Variants in SGCD observed in about 807,000 individuals in gnomAD.
SGCD encodes the protein delta-sarcoglycan.
In SGCD, 18 loss-of-function variants were observed where a neutral mutation model predicts 36.6. The observed-to-expected ratio is 0.49, with a 90% CI of 0.34 to 0.73. The LOEUF is 0.73. Among genes scored for constraint, SGCD ranks in the 30% least tolerant of loss-of-function variants. The pLI is 0.01. For missense variants in SGCD, 387 were observed against 346.7 expected (o/e 1.12, Z -0.92); for synonymous variants, 133 against 130.6 (o/e 1.02, Z -0.12).
intron 3 of SGCD, among the ~76,000 whole-genome samples, chr5:156,247,157 G>C (rs1480496140): frequency 3.9e-5 from 6 of 152,100 alleles, no homozygotes; most frequent in African/African-American, 1.4e-4. Flanking sequence ...AATCACATTA[G>C]CCCTTTTTCA....
chr5:155,890,597 C>A (rs1756102302), intron 1 of SGCD, among the ~76,000 whole-genome samples: 1 of 151,400 alleles, frequency 6.6e-6, no homozygotes, highest in Non-Finnish European at 1.5e-5. Context: ...GACAGTGATA[C>A]CCTGTTTCTA....
intron 1 of SGCD, among the ~76,000 whole-genome samples, chr5:155,894,601 C>T (rs868792863): frequency 2.6e-5 from 4 of 152,134 alleles, no homozygotes; most frequent in East Asian, 1.9e-4. Context: ...CTTGCATTAC[C>T]GCCTGAGCTC....
intron 6 of SGCD, among the ~76,000 whole-genome samples, chr5:156,619,951 G>A (rs1273243846): frequency 6.6e-6 from 1 of 152,188 alleles, no homozygotes. Context: ...TGGGGTAAGG[G>A]TTAATCCAAA....
rs142493435 is a variant in SGCD, at chr5:155,905,317, A to G, written c.-282+34893A>G. 1.1e-4 allele frequency among the ~76,000 whole-genome samples: 17 copies of G among 152,288 alleles called. No individual in the cohort carries two copies. The East Asian group carries it at 3.1e-3, about 28-fold the overall frequency. On this transcript the variant is annotated intron_variant, in intron 1 of 9. Coordinates refer to the SGCD transcript ENST00000517913. ...CAGATTTGTAGGGTAAAACTATTTTATCTAGCACATGGTATAACCTTAGAA... is the reference window on the plus strand; with the variant it reads ...CAGATTTGTAGGGTAAAACTATTTTGTCTAGCACATGGTATAACCTTAGAA...
the SGCD span, among the ~76,000 whole-genome samples, chr5:155,734,540 A>ATC: frequency 6.6e-6 from 1 of 152,206 alleles, no homozygotes; most frequent in African/African-American, 2.4e-5. Flanking sequence ...GACTGACAGA[A>ATC]TCCAGATCTC....
chr5:155,848,929 G>T, the SGCD span, among the ~76,000 whole-genome samples: 1 of 152,182 alleles, frequency 6.6e-6, no homozygotes, highest in Non-Finnish European at 1.5e-5. Flanking sequence ...ATACATGAAT[G>T]AATTAATTCG....
chr5:156,510,607 CT>C (rs998042675), intron 4 of SGCD, among the ~76,000 whole-genome samples: 6 of 151,736 alleles, frequency 4.0e-5, no homozygotes, highest in Admixed American at 1.3e-4. Context: ...TTATTTTAAA[CT>C]TTTTTTTTCT....
chr5:156,027,059 C>G (rs1759239467), intron 1 of SGCD, among the ~76,000 whole-genome samples: 1 of 152,182 alleles, frequency 6.6e-6, no homozygotes, highest in South Asian at 2.1e-4. Context: ...ACTTATTTTA[C>G]TTGCTGTTAA....
intron 3 of SGCD, among the ~76,000 whole-genome samples, chr5:156,128,765 A>T (rs1294115539): frequency 6.6e-6 from 1 of 152,130 alleles, no homozygotes; most frequent in Non-Finnish European, 1.5e-5. Context: ...TTCTGCCATG[A>T]TTGTAAGTTT....
At chr5:156,736,292 G>A (rs1756361621) in intron 7 of SGCD, among the ~76,000 whole-genome samples, 1 of 152,072 alleles carries the variant, frequency 6.6e-6, no homozygotes, top group South Asian at 2.1e-4. Context: ...TTGCAGTTTT[G>A]TTCATCCTGA....
chr5:156,637,625 G>T (rs1047537955), intron 6 of SGCD, among the ~76,000 whole-genome samples: 1 of 152,052 alleles, frequency 6.6e-6, no homozygotes, highest in Non-Finnish European at 1.5e-5. Context: ...TAGCTTCAAG[G>T]GAGTCTGGGA....
At chr5:155,918,958 A>G (rs1319593291) in intron 1 of SGCD, among the ~76,000 whole-genome samples, 1 of 152,236 alleles carries the variant, frequency 6.6e-6, no homozygotes, top group African/African-American at 2.4e-5. Flanking sequence ...GAAGGCTGAA[A>G]ATGGTTCCTG....
Position 156,060,612 on chromosome 5 carries a change from G to A in SGCD, c.-281-57266G>A, listed in dbSNP as rs753644886. ...AAGAAATTTATGTACCTTCATCAAT[G>A]CTGGAATATATGTTGTTTTGTTGCA... On this transcript the variant is annotated intron_variant, in intron 1 of 9. Coordinates refer to the SGCD transcript ENST00000517913. Among the ~76,000 whole-genome samples, 30 of 145,502 alleles carry A rather than the reference G, an allele frequency of 2.1e-4. 2 individuals are homozygous for A. Among genetic ancestry groups the A allele is most frequent in the Admixed American group, 6.9e-4 (10 of 14,520 alleles).
At chr5:156,564,464 CAAAACAATTTAATTTACGTTATGTA>C (rs1759396720) in intron 4 of SGCD, among the ~76,000 whole-genome samples, 1 of 151,998 alleles carries the variant, frequency 6.6e-6, no homozygotes, top group Non-Finnish European at 1.5e-5. Context: ...CAAAACAAAA[CAAAACAATTTAATTTACGTTATGTA>C]AATTATACAT....
At chr5:156,101,423 A>G (rs1761512044) in intron 1 of SGCD, among the ~76,000 whole-genome samples, 1 of 152,238 alleles carries the variant, frequency 6.6e-6, no homozygotes, top group Non-Finnish European at 1.5e-5. Flanking sequence ...TAGGAAACTA[A>G]GAAGCTAAGG....
At chr5:156,342,828 G>T (rs1407883469) in intron 2 of SGCD, among the ~76,000 whole-genome samples, 1 of 152,206 alleles carries the variant, frequency 6.6e-6, no homozygotes. Context: ...CAGCAGAGCT[G>T]GTAGCAGATG....
intron 7 of SGCD, among the ~76,000 whole-genome samples, chr5:156,697,316 G>C (rs1754358934): frequency 6.6e-6 from 1 of 152,120 alleles, no homozygotes; most frequent in Admixed American, 6.6e-5. Context: ...TAATGGCGCA[G>C]CTCCCTTGGA....
intron 3 of SGCD, among the ~76,000 whole-genome samples, chr5:156,140,381 T>C (rs1436058091): frequency 6.6e-6 from 1 of 152,112 alleles, no homozygotes; most frequent in Admixed American, 6.5e-5. Context: ...ATGATCTAAG[T>C]AGTCATGAAC....
chr5:156,655,660 T>C (rs281045), intron 7 of SGCD, among the ~76,000 whole-genome samples: 139,831 of 152,224 alleles, frequency 0.92, 64,394 homozygotes, highest in East Asian at 0.99. Flanking sequence ...GAAGTAAAGA[T>C]ACTTTGTTCT....
Sources: gnomAD v4.1 joint callset for allele counts (sites outside exome capture counted in the v4.1 genomes callset) on GRCh38, gnomAD v4.1.1 for gene constraint, MANE v1.5 for transcripts, NCBI Gene and HGNC (gene_info 2026-07-23, HGNC 2026-07-21) for gene names.